TNRC6A: variants seen among roughly 807,000 people sequenced by gnomAD.
TNRC6A encodes the protein trinucleotide repeat containing adaptor 6A.
Under a neutral mutation model 221.2 loss-of-function variants are expected in TNRC6A, and 44 were observed. That is an observed-to-expected ratio of 0.20 (90% CI 0.16 to 0.26). The LOEUF (loss-of-function observed/expected upper bound fraction) is 0.26, where lower values mean the gene tolerates loss of function less well. TNRC6A is among the 10% of genes least tolerant of loss of function. TNRC6A has a pLI of 1.00. For missense variants in TNRC6A, 2,199 were observed against 2,404.4 expected, an observed-to-expected ratio of 0.91 and a Z score of 1.79; for synonymous variants, 847 against 838.5, an observed-to-expected ratio of 1.01 and a Z score of -0.18.
chr16:24,651,885 G>C (rs903875502), intron 2 of TNRC6A, among the ~76,000 whole-genome samples: 3 of 150,976 alleles, frequency 2.0e-5, no homozygotes, highest in African/African-American at 7.3e-5. Flanking sequence ...GATCGCTTGA[G>C]GTCAGGAGTT....
chr16:24,752,933 T>C (rs1400665421), intron 3 of TNRC6A, among the ~76,000 whole-genome samples: 1 of 152,202 alleles, frequency 6.6e-6, no homozygotes, highest in Middle Eastern at 3.2e-3. Flanking sequence ...TTCTATTTAC[T>C]GAGAAATTTT....
In TNRC6A at chr16:24,657,433, G is replaced by A. The variant is rs150527876; in HGVS notation, n.402+16424G>A. ...ATTTCAAAGTTTGGAAATAAAGGCC[G>A]GGCAGGCGGCTCATGCCTGTAATCC... On this transcript the variant is annotated intron_variant and non_coding_transcript_variant, in intron 2 of 2. Transcript: ENST00000566108. Among the ~76,000 whole-genome samples the A allele has an allele frequency of 2.3e-3, 357 of 151,946 alleles. 1 individual carries two copies. The highest frequency in any genetic ancestry group is 8.4e-3 in the African/African-American group (349 of 41,448).
At chr16:24,610,808 G>A (rs1272369445) in intron 1 of TNRC6A, among the ~76,000 whole-genome samples, 5 of 151,162 alleles carry the variant, frequency 3.3e-5, no homozygotes, top group Non-Finnish European at 7.4e-5. Flanking sequence ...CCTGCCCTCA[G>A]ATTTATTTAT....
upstream of TNRC6A, among the ~76,000 whole-genome samples, chr16:24,727,939 A>T (rs2056520062): frequency 6.6e-6 from 1 of 152,090 alleles, no homozygotes; most frequent in African/African-American, 2.4e-5. Context: ...TTTTTTTCAA[A>T]AAAGTGTTTT....
chr16:24,764,202 C>T (rs1256194505), intron 4 of TNRC6A, among the ~76,000 whole-genome samples: 2 of 150,610 alleles, frequency 1.3e-5, no homozygotes, highest in African/African-American at 2.4e-5. Flanking sequence ...ATTTTTATTT[C>T]TGTGTCTGGC....
chr16:24,623,901 C>CA lies in TNRC6A; in HGVS notation n.276+13446dup, dbSNP rs67546745. Among the ~76,000 whole-genome samples, 326 of 55,184 alleles carry CA rather than the reference C, an allele frequency of 5.9e-3. 26 individuals are homozygous for CA. Among genetic ancestry groups the CA allele is most frequent in the African/African-American group, 7.8e-3 (101 of 12,946 alleles). 36.2% of individuals were successfully genotyped at this position (55,184 alleles called of 152,430 possible). A position where few individuals can be genotyped will look rare whatever the true frequency, so the allele number is the denominator to read the frequency against. On this transcript the variant is annotated intron_variant and non_coding_transcript_variant, in intron 1 of 2. Transcript: ENST00000566108. ...TGGGTAAAGGAGCAAGACCCTGTCT[C>CA]AAAAAAAAAAAAAAAAAAAAAAAAA... is the stretch of plus-strand genomic sequence containing the variant.
intron 2 of TNRC6A, among the ~76,000 whole-genome samples, chr16:24,679,799 A>G (rs1340343699): frequency 6.6e-6 from 1 of 150,966 alleles, no homozygotes; most frequent in Non-Finnish European, 1.5e-5. Flanking sequence ...TTTAGAGACA[A>G]GGTCTCACTA....
At chr16:24,627,728 C>T (rs1397109656) in intron 1 of TNRC6A, among the ~76,000 whole-genome samples, 11 of 130,734 alleles carry the variant, frequency 8.4e-5, no homozygotes, top group Admixed American at 1.7e-4. Context: ...TTGACAGTCT[C>T]GCTCTGTTGC....
intron 1 of TNRC6A, among the ~76,000 whole-genome samples, chr16:24,622,462 G>A (rs1271668895): frequency 2.0e-5 from 3 of 152,092 alleles, no homozygotes; most frequent in Admixed American, 6.6e-5. Flanking sequence ...TAAGCAGGGT[G>A]TGGTGGTGCG....
rs946446732 is a variant in TNRC6A, at chr16:24,793,322, A to G, written c.3176-151A>G. On this transcript the variant is annotated intron_variant, in intron 6 of 24. Coordinates refer to ENST00000395799, the MANE Select transcript of TNRC6A (RefSeq NM_014494.4). ...TTTGTCTTTTTTTAACATAAAACAG[A>G]TGCCATCTTTTTGCCTATCACAGTA... 27 of 451,832 alleles carry G rather than the reference A, an allele frequency of 6.0e-5. No homozygotes were observed. The East Asian group carries it at 9.1e-4, about 15-fold the overall frequency. The allele number at this position is 451,832 out of a possible 1,614,324, so 28.0% of individuals were successfully genotyped here.
intron 18 of TNRC6A, among the ~76,000 whole-genome samples, chr16:24,811,287 AGG>A (rs2058538821): frequency 1.3e-5 from 2 of 152,198 alleles, no homozygotes; most frequent in Admixed American, 6.5e-5. Context: ...ACATTTGACT[AGG>A]AAGTTCTGCA....
intron 2 of TNRC6A, among the ~76,000 whole-genome samples, chr16:24,657,817 A>G (rs1423467805): frequency 1.3e-5 from 2 of 151,920 alleles, no homozygotes; most frequent in Admixed American, 1.3e-4. Context: ...ATAACATTGC[A>G]TTTTTGAGAT....
At chr16:24,797,423 ATCCGTCAC>A in intron 9 of TNRC6A, 59 bp from the exon 10 acceptor site, 2 of 1,196,716 alleles carry the variant, frequency 1.7e-6, no homozygotes, top group Non-Finnish European at 1.2e-6. Flanking sequence ...AGTTTTATTA[ATCCGTCAC>A]TATACCCAGA....
chr16:24,781,123 C>T (rs1003489753), intron 5 of TNRC6A, among the ~76,000 whole-genome samples: 2 of 131,716 alleles, frequency 1.5e-5, no homozygotes, highest in African/African-American at 2.9e-5. Context: ...GGCATGAACA[C>T]GGCTCACTAC....
chr16:24,778,639 TA>T (rs1217872206), intron 5 of TNRC6A, among the ~76,000 whole-genome samples: 2 of 152,172 alleles, frequency 1.3e-5, no homozygotes, highest in Non-Finnish European at 2.9e-5. Flanking sequence ...CCCAACCCTA[TA>T]AGGCTGCTGT....
chr16:24,645,578 T>A (rs1394002643), intron 2 of TNRC6A, among the ~76,000 whole-genome samples: 1 of 151,752 alleles, frequency 6.6e-6, no homozygotes, highest in Non-Finnish European at 1.5e-5. Context: ...AGTATTAACA[T>A]GGAATGTAAA....
At chr16:24,705,779 C>T (rs1279064915) in intron 2 of TNRC6A, among the ~76,000 whole-genome samples, 1 of 152,126 alleles carries the variant, frequency 6.6e-6, no homozygotes, top group Non-Finnish European at 1.5e-5. Context: ...TAATGTTGCA[C>T]ACTAGAAGCA....
chr16:24,722,183 GGAGGATCACTA>G (rs1349746613), intron 2 of TNRC6A, among the ~76,000 whole-genome samples: 2 of 152,172 alleles, frequency 1.3e-5, no homozygotes, highest in African/African-American at 4.8e-5. Flanking sequence ...GGCCAAGGTG[GGAGGATCACTA>G]GAGGCCAGGC....
intron 4 of TNRC6A, chr16:24,776,516 A>G: frequency 1.0e-6 from 1 of 985,498 alleles, no homozygotes; most frequent in Non-Finnish European, 1.2e-6. Context: ...ACACATTAAC[A>G]ATGAGGCAGA....
Sources: gnomAD v4.1 joint callset for allele counts (sites outside exome capture counted in the v4.1 genomes callset) on GRCh38, gnomAD v4.1.1 for gene constraint, MANE v1.5 for transcripts, NCBI Gene and HGNC (gene_info 2026-07-23, HGNC 2026-07-21) for gene names.